Variants in OLFM3 observed in about 807,000 individuals in gnomAD.
OLFM3 encodes the protein noelin-3.
OLFM3 carries 20 observed loss-of-function variants against 48.6 expected under a neutral mutation model. That is an observed-to-expected ratio of 0.41 (90% CI 0.29 to 0.60). OLFM3 has a LOEUF of 0.60. Ranked by LOEUF, OLFM3 falls within the 20% of genes least tolerant of loss-of-function variation. OLFM3 has a pLI of 0.28. For synonymous variants in OLFM3, 222 were observed against 198.1 expected, an observed-to-expected ratio of 1.12 and a Z score of -1.01; for missense variants, 437 against 544.3, an observed-to-expected ratio of 0.80 and a Z score of 1.96.
intron 1 of OLFM3, among the ~76,000 whole-genome samples, chr1:101,886,491 C>G (rs979768971): frequency 6.6e-6 from 1 of 151,818 alleles, no homozygotes; most frequent in Non-Finnish European, 1.5e-5. Flanking sequence ...AGTCACAAAG[C>G]AAAGGAAAAA....
At chr1:101,984,092 T>A (rs1297092801) in intron 1 of OLFM3, among the ~76,000 whole-genome samples, 5 of 151,906 alleles carry the variant, frequency 3.3e-5, no homozygotes, top group Non-Finnish European at 2.9e-5. Flanking sequence ...CTACAAAAAT[T>A]AGCTGAGCGT....
intron 1 of OLFM3, among the ~76,000 whole-genome samples, chr1:101,898,235 A>G (rs1658270114): frequency 6.6e-6 from 1 of 152,182 alleles, no homozygotes; most frequent in Admixed American, 6.5e-5. Flanking sequence ...AGAATATAAT[A>G]TTGAGTGGAA....
chr1:101,958,797 A>G (rs962701648), intron 1 of OLFM3, among the ~76,000 whole-genome samples: 2 of 149,812 alleles, frequency 1.3e-5, no homozygotes, highest in African/African-American at 4.9e-5. Context: ...TCAGTTGACA[A>G]ATGAAACTTG....
At chr1:101,807,167 T>C (rs897087703) in intron 4 of OLFM3, among the ~76,000 whole-genome samples, 4 of 151,784 alleles carry the variant, frequency 2.6e-5, no homozygotes, top group African/African-American at 9.7e-5. Flanking sequence ...GTTTCTTACA[T>C]GGGTATATTG....
chr1:101,826,946 A>T (rs561363660), intron 3 of OLFM3, among the ~76,000 whole-genome samples: 2 of 152,306 alleles, frequency 1.3e-5, no homozygotes, highest in South Asian at 4.1e-4. Flanking sequence ...CTTCTCCCTC[A>T]ATTCAAAACT....
At chr1:101,947,972 C>T (rs1376215911) in intron 1 of OLFM3, among the ~76,000 whole-genome samples, 1 of 152,148 alleles carries the variant, frequency 6.6e-6, no homozygotes, top group African/African-American at 2.4e-5. Flanking sequence ...ACCAAGCCAA[C>T]TTTTGCCACC....
At chr1:101,945,033 T>A (rs1311694504) in intron 1 of OLFM3, among the ~76,000 whole-genome samples, 4 of 152,210 alleles carry the variant, frequency 2.6e-5, no homozygotes, top group African/African-American at 9.6e-5. Flanking sequence ...TTATAAAGAT[T>A]GACAATATCA....
chr1:101,947,553 G>A (rs955891852), intron 1 of OLFM3, among the ~76,000 whole-genome samples: 5 of 152,132 alleles, frequency 3.3e-5, no homozygotes, highest in African/African-American at 1.2e-4. Context: ...AGGATTGGTT[G>A]GGGCTGGATT....
At chr1:101,832,523 C>T (rs1655210662) in intron 2 of OLFM3, among the ~76,000 whole-genome samples, 1 of 152,176 alleles carries the variant, frequency 6.6e-6, no homozygotes, top group South Asian at 2.1e-4. Flanking sequence ...ATATTACAGT[C>T]TGGCTTATCT....
intron 1 of OLFM3, among the ~76,000 whole-genome samples, chr1:101,989,116 C>T (rs542266140): frequency 6.6e-6 from 1 of 152,046 alleles, no homozygotes; most frequent in Non-Finnish European, 1.5e-5. Flanking sequence ...ACTTGAGTTG[C>T]ATCCTAAAAT....
At chr1:101,899,310 C>T (rs1267406338) in intron 1 of OLFM3, among the ~76,000 whole-genome samples, 1 of 152,178 alleles carries the variant, frequency 6.6e-6, no homozygotes, top group Non-Finnish European at 1.5e-5. Flanking sequence ...ATGTAGGCCT[C>T]TCCCTAGGGA....
intron 1 of OLFM3, among the ~76,000 whole-genome samples, chr1:101,945,615 A>C (rs2101064553): frequency 6.6e-6 from 1 of 152,236 alleles, no homozygotes; most frequent in South Asian, 2.1e-4. Context: ...AATTTATAAA[A>C]CATAAAACTG....
intron 1 of OLFM3, among the ~76,000 whole-genome samples, chr1:101,975,458 G>A (rs971908643): frequency 1.3e-5 from 2 of 151,842 alleles, no homozygotes; most frequent in Non-Finnish European, 2.9e-5. Context: ...TTTTTTTGCG[G>A]CGGGTAGAGA....
chr1:101,970,263 C>A (rs938561510), intron 1 of OLFM3, among the ~76,000 whole-genome samples: 3 of 152,136 alleles, frequency 2.0e-5, no homozygotes, highest in Admixed American at 6.5e-5. Context: ...GTGATCCACC[C>A]GCCTTGGCCT....
In OLFM3 at chr1:101,804,133, T is replaced by C. The variant is rs1216227562; in HGVS notation, c.*105A>G. On this transcript the variant is annotated 3_prime_UTR_variant, in exon 6 of 6. Coordinates refer to ENST00000370103, the MANE Select transcript of OLFM3 (RefSeq NM_058170.4). The surrounding 1 kb of genome is among the most constrained non-coding windows in gnomAD (Gnocchi z 4.5). ...AACTTTACAATAAAAATGCTTTGCT[T>C]TGGAGAAATGATGAAAAATAATAGT... is the stretch of plus-strand genomic sequence containing the variant. 91 of 894,676 alleles carry C rather than the reference T, an allele frequency of 1.0e-4. No individual in the cohort carries two copies. The highest frequency in any genetic ancestry group is 1.4e-4 in the Non-Finnish European group (85 of 616,722). 55.4% of individuals were successfully genotyped at this position (894,676 alleles called of 1,614,324 possible).
intron 1 of OLFM3, among the ~76,000 whole-genome samples, chr1:101,936,176 A>G (rs1009523176): frequency 1.3e-5 from 2 of 152,138 alleles, no homozygotes; most frequent in African/African-American, 4.8e-5. Flanking sequence ...AGAAACTCAA[A>G]CTATCTCAGT....
At chr1:101,806,907 C>T (rs548890173) in intron 4 of OLFM3, among the ~76,000 whole-genome samples, 1 of 151,860 alleles carries the variant, frequency 6.6e-6, no homozygotes, top group South Asian at 2.1e-4. Flanking sequence ...ATATTTTTAT[C>T]AGCCCAGCCC....
chr1:101,874,627 TACTC>T (rs1377174961), intron 1 of OLFM3, among the ~76,000 whole-genome samples: 1 of 151,982 alleles, frequency 6.6e-6, no homozygotes, highest in Non-Finnish European at 1.5e-5. Context: ...GTCAACTTGT[TACTC>T]ACATTCAGTA....
intron 1 of OLFM3, among the ~76,000 whole-genome samples, chr1:101,887,487 CT>C (rs1657807990): frequency 6.6e-6 from 1 of 151,758 alleles, no homozygotes; most frequent in South Asian, 2.1e-4. Context: ...AGAAATTCTC[CT>C]TAAGAGAATT....
Sources: allele counts gnomAD v4.1 joint callset (sites outside exome capture counted in the v4.1 genomes callset), GRCh38; gene constraint gnomAD v4.1.1; non-coding constraint Gnocchi (gnomAD v3.1); transcripts MANE v1.5; gene names NCBI Gene and HGNC (gene_info 2026-07-23, HGNC 2026-07-21).